The following AKAP13 variants were observed in gnomAD, a reference collection of about 807,000 sequenced individuals.
The protein encoded by AKAP13 is A-kinase anchor protein 13.
In AKAP13, 80 loss-of-function variants were observed where a neutral mutation model predicts 264.5. That is an observed-to-expected ratio of 0.30 (90% CI 0.25 to 0.36). AKAP13 has a LOEUF of 0.36. Ranked by LOEUF, AKAP13 falls within the 10% of genes least tolerant of loss-of-function variation. The pLI is 1.00. For synonymous variants in AKAP13, 1,380 were observed against 1,250.2 expected, an observed-to-expected ratio of 1.10 and a Z score of -2.19; for missense variants, 3,712 against 3,435.2, an observed-to-expected ratio of 1.08 and a Z score of -2.01.
At chr15:85,392,638 T>C (rs1415833259) in intron 1 of AKAP13, among the ~76,000 whole-genome samples, 1 of 152,128 alleles carries the variant, frequency 6.6e-6, no homozygotes, top group African/African-American at 2.4e-5. Context: ...ACTCTTGGGT[T>C]TAAGTGGTCC....
intron 1 of AKAP13, among the ~76,000 whole-genome samples, chr15:85,455,491 G>A (rs1003639570): frequency 1.3e-5 from 2 of 151,954 alleles, no homozygotes; most frequent in African/African-American, 4.8e-5. Context: ...GGGAATTTTA[G>A]TCACACTCTT....
intron 5 of AKAP13, among the ~76,000 whole-genome samples, chr15:85,567,620 C>G (rs1040274364): frequency 3.9e-5 from 6 of 152,090 alleles, no homozygotes; most frequent in African/African-American, 1.4e-4. Flanking sequence ...AGTTTGTAAC[C>G]TCATTGGTCT....
At chr15:85,619,781 A>G (rs914492415) in intron 8 of AKAP13, 2 of 1,078,976 alleles carry the variant, frequency 1.9e-6, no homozygotes, top group African/African-American at 3.3e-5. Context: ...CTTCTCTTTC[A>G]GTCAAGATCT....
chr15:85,491,542 T>G (rs944612728), intron 2 of AKAP13, among the ~76,000 whole-genome samples: 8 of 143,070 alleles, frequency 5.6e-5, no homozygotes, highest in African/African-American at 2.0e-4. Context: ...TTATATATAA[T>G]ATATATATTT....
chr15:85,549,135 TACTTGATGTAGG>T (rs1241848683), intron 5 of AKAP13, among the ~76,000 whole-genome samples: 4 of 152,308 alleles, frequency 2.6e-5, no homozygotes, highest in Admixed American at 1.3e-4. Flanking sequence ...TGAATGTCCC[TACTTGATGTAGG>T]ACTTGATGTA....
rs1042385150 is a variant in AKAP13 at position 85,554,657 on chromosome 15, C to G, written c.662+10702C>G. On this transcript the variant is annotated intron_variant, in intron 5 of 36. Coordinates refer to ENST00000394518, the MANE Select transcript of AKAP13 (RefSeq NM_007200.5). The stretch of plus-strand genomic sequence containing the variant: ...GGTTCATTAGAATTATACCAGCCCT[C>G]TAGCATACCACACAGTCACAATATA... Among the ~76,000 whole-genome samples, 3 of 152,020 alleles carry G rather than the reference C, an allele frequency of 2.0e-5. No homozygotes were observed. In the East Asian group the frequency reaches 5.8e-4, roughly 29 times the overall value.
At chr15:85,550,049 TG>T (rs2077899406) in intron 5 of AKAP13, among the ~76,000 whole-genome samples, 1 of 152,286 alleles carries the variant, frequency 6.6e-6, no homozygotes, top group African/African-American at 2.4e-5. Flanking sequence ...CCCGAGTATC[TG>T]GGATTACAGG....
intron 2 of AKAP13, among the ~76,000 whole-genome samples, chr15:85,493,098 T>A (rs2151074676): frequency 6.6e-6 from 1 of 152,330 alleles, no homozygotes; most frequent in Admixed American, 6.5e-5. Context: ...AGGGCTAATG[T>A]CAACAGAGAG....
chr15:85,525,008 T>TA (rs2076975899), intron 3 of AKAP13, among the ~76,000 whole-genome samples: 1 of 152,052 alleles, frequency 6.6e-6, no homozygotes, highest in Non-Finnish European at 1.5e-5. Flanking sequence ...AGTAACATCT[T>TA]AGAGGGCAGG....
chr15:85,398,889 T>C (rs960424905), intron 1 of AKAP13, among the ~76,000 whole-genome samples: 4 of 152,200 alleles, frequency 2.6e-5, no homozygotes, highest in African/African-American at 9.7e-5. Context: ...TGAACTTAAG[T>C]TTATCTTCAG....
intron 12 of AKAP13, among the ~76,000 whole-genome samples, chr15:85,663,167 A>T (rs951099561): frequency 6.6e-6 from 1 of 152,148 alleles, no homozygotes; most frequent in Non-Finnish European, 1.5e-5. Flanking sequence ...AAAATTGGCC[A>T]GACACGGTAG....
intron 15 of AKAP13, chr15:85,684,488 C>G (rs998107476): frequency 3.2e-6 from 1 of 316,230 alleles, no homozygotes; most frequent in Non-Finnish European, 5.8e-6. Flanking sequence ...TGCGTGAGCT[C>G]AGGAGTTCAA....
At chr15:85,583,882 T>C (rs1324779151) in intron 7 of AKAP13, among the ~76,000 whole-genome samples, 1 of 152,196 alleles carries the variant, frequency 6.6e-6, no homozygotes, top group African/African-American at 2.4e-5. Flanking sequence ...ATATATGGGC[T>C]TGAGGTTGGT....
At chr15:85,385,106 A>G (rs558108437) in intron 1 of AKAP13, among the ~76,000 whole-genome samples, 5 of 152,236 alleles carry the variant, frequency 3.3e-5, no homozygotes, top group Non-Finnish European at 4.4e-5. Context: ...TTGAGTAGTT[A>G]CAACAGAGAC....
At chr15:85,717,238 C>A (rs1314141034) in intron 20 of AKAP13, 52 bp from the exon 21 acceptor site, 4 of 1,217,908 alleles carry the variant, frequency 3.3e-6, no homozygotes, top group Non-Finnish European at 4.7e-6. Flanking sequence ...AGAATGCAAG[C>A]CATAGGTTAT....
intron 14 of AKAP13, among the ~76,000 whole-genome samples, chr15:85,681,688 A>G (rs934926772): frequency 8.1e-6 from 1 of 122,714 alleles, no homozygotes; most frequent in Non-Finnish European, 1.9e-5. Context: ...TTGCTAATCT[A>G]TTTCTAGCAA....
At chr15:85,598,429 C>G (rs981479060) in intron 8 of AKAP13, among the ~76,000 whole-genome samples, 1 of 152,192 alleles carries the variant, frequency 6.6e-6, no homozygotes, top group Non-Finnish European at 1.5e-5. Flanking sequence ...CACAGACTGA[C>G]TTGTCAGCGG....
chr15:85,471,550 C>G (rs2074960833), intron 1 of AKAP13, among the ~76,000 whole-genome samples: 1 of 152,174 alleles, frequency 6.6e-6, no homozygotes, highest in Non-Finnish European at 1.5e-5. Flanking sequence ...ATAATTTAAA[C>G]ACAATAAAAT....
chr15:85,634,007 A>C (rs1359831438), intron 8 of AKAP13, among the ~76,000 whole-genome samples: 1 of 152,194 alleles, frequency 6.6e-6, no homozygotes, highest in Non-Finnish European at 1.5e-5. Flanking sequence ...GCACCTGCTG[A>C]AGATTCAGTT....
Sources: gnomAD v4.1 joint callset for allele counts (sites outside exome capture counted in the v4.1 genomes callset) on GRCh38, gnomAD v4.1.1 for gene constraint, MANE v1.5 for transcripts, NCBI Gene and HGNC (gene_info 2026-07-23, HGNC 2026-07-21) for gene names.